The following SLC35F3 variants were observed in gnomAD, a reference collection of about 807,000 sequenced individuals.
The protein encoded by SLC35F3 is putative thiamine transporter SLC35F3.
SLC35F3 carries 25 observed loss-of-function variants against 49.9 expected under a neutral mutation model. The ratio of observed to expected loss-of-function variants is 0.50; its 90% CI spans 0.37 to 0.70. SLC35F3 has a LOEUF of 0.70. Among genes scored for constraint, SLC35F3 ranks in the 30% least tolerant of loss-of-function variants. SLC35F3 has a pLI of 0.00. For missense variants in SLC35F3, 525 were observed against 639.8 expected (o/e 0.82, Z 1.94); for synonymous variants, 275 against 265.4 (o/e 1.04, Z -0.35).
At chr1:234,171,366 C>T (rs1394715706) in intron 2 of SLC35F3, among the ~76,000 whole-genome samples, 1 of 152,168 alleles carries the variant, frequency 6.6e-6, no homozygotes, top group Non-Finnish European at 1.5e-5. Flanking sequence ...TAACGTGTAG[C>T]TGGGGTGACA....
chr1:233,990,268 T>C (rs887386632), intron 2 of SLC35F3, among the ~76,000 whole-genome samples: 4 of 152,180 alleles, frequency 2.6e-5, no homozygotes, highest in Non-Finnish European at 5.9e-5. Context: ...AAGTGCATGC[T>C]CAAGTTTTAT....
At chr1:234,278,358 C>T (rs1398352398) in intron 3 of SLC35F3, among the ~76,000 whole-genome samples, 1 of 152,076 alleles carries the variant, frequency 6.6e-6, no homozygotes, top group Non-Finnish European at 1.5e-5. Flanking sequence ...GGTGCAATGG[C>T]ACGGGCCTGT....
intron 2 of SLC35F3, among the ~76,000 whole-genome samples, chr1:234,168,933 T>A (rs1364468446): frequency 6.6e-6 from 1 of 152,064 alleles, no homozygotes; most frequent in East Asian, 1.9e-4. Context: ...TTGGCTTACA[T>A]GGTTATGGAG....
At chr1:234,205,721 T>C (rs1383525419) in intron 2 of SLC35F3, among the ~76,000 whole-genome samples, 1 of 152,056 alleles carries the variant, frequency 6.6e-6, no homozygotes, top group African/African-American at 2.4e-5. Flanking sequence ...TGCACCAATA[T>C]CCAGAAGAAA....
intron 2 of SLC35F3, among the ~76,000 whole-genome samples, chr1:234,023,536 T>C (rs1245891344): frequency 1.3e-5 from 2 of 152,130 alleles, no homozygotes; most frequent in African/African-American, 4.8e-5. Context: ...CAAATCTCCT[T>C]TGCAGTACAA....
intron 2 of SLC35F3, among the ~76,000 whole-genome samples, chr1:233,955,941 G>A (rs1014557324): frequency 4.4e-5 from 6 of 136,204 alleles, no homozygotes; most frequent in African/African-American, 1.7e-4. Context: ...AGGCTGGAGT[G>A]CAGTGGCGTG....
rs140407454 is a variant in SLC35F3 at position 233,978,625 on chromosome 1, T to C, written c.283+72867T>C. Among the ~76,000 whole-genome samples, 1,392 of 152,342 alleles carry C rather than the reference T, an allele frequency of 9.1e-3. 15 individuals carry two copies. The highest frequency in any genetic ancestry group is 0.031 in the African/African-American group (1,304 of 41,572). On this transcript the variant is annotated intron_variant, in intron 2 of 7. Coordinates refer to ENST00000366618, the MANE Select transcript of SLC35F3 (RefSeq NM_173508.4). The stretch of plus-strand genomic sequence containing the variant: ...GTGTACCCTTGTGTGGGTTTATGAA[T>C]AATTTTCTACCAGAGAGCTCTGCTC...
rs563320034 is a variant in SLC35F3 at position 234,141,250 on chromosome 1, G to T, written c.284-90167G>T. Among the ~76,000 whole-genome samples, 3 of 152,220 alleles carry T rather than the reference G, an allele frequency of 2.0e-5. No individual in the cohort carries two copies. In the East Asian group the frequency reaches 5.8e-4, roughly 29 times the overall value. ...TAATTAGGGAGTTTTATAAGCTAAT[G>T]AGTCATGTCCTTTCAATAGCTTCTT... On this transcript the variant is annotated intron_variant, in intron 2 of 7. Coordinates refer to ENST00000366618, the MANE Select transcript of SLC35F3 (RefSeq NM_173508.4).
At chr1:234,273,970 G>A (rs1469341577) in intron 3 of SLC35F3, among the ~76,000 whole-genome samples, 1 of 150,954 alleles carries the variant, frequency 6.6e-6, no homozygotes. Context: ...TAGGCCACAT[G>A]CTGGATAGTG....
chr1:234,268,165 A>C (rs1032634132), intron 3 of SLC35F3, among the ~76,000 whole-genome samples: 1 of 152,118 alleles, frequency 6.6e-6, no homozygotes, highest in Non-Finnish European at 1.5e-5. Flanking sequence ...CCTGGGCAAC[A>C]TTGAGCACTG....
intron 2 of SLC35F3, among the ~76,000 whole-genome samples, chr1:234,168,274 G>A (rs1666347798): frequency 6.6e-6 from 1 of 152,196 alleles, no homozygotes; most frequent in Non-Finnish European, 1.5e-5. Context: ...GTGGCACTGA[G>A]CTTCTCAGAG....
At chr1:233,905,886 C>G in intron 2 of SLC35F3, 128 bp downstream of exon 2, 1 of 873,446 alleles carries the variant, frequency 1.1e-6, no homozygotes, top group Non-Finnish European at 1.7e-6. Flanking sequence ...TGATACAGAC[C>G]CAGGTTTGCA....
intron 2 of SLC35F3, among the ~76,000 whole-genome samples, chr1:233,908,017 C>T (rs898922222): frequency 7.2e-5 from 11 of 152,198 alleles, no homozygotes; most frequent in Non-Finnish European, 1.3e-4. Flanking sequence ...TGAGCCACCA[C>T]GCCCGGCCCA....
At chr1:233,974,261 T>G (rs1663042360) in intron 2 of SLC35F3, among the ~76,000 whole-genome samples, 1 of 140,906 alleles carries the variant, frequency 7.1e-6, no homozygotes, top group South Asian at 2.4e-4. Context: ...CTCGGCTCAC[T>G]GCAACCTCCG....
intron 2 of SLC35F3, among the ~76,000 whole-genome samples, chr1:234,139,678 G>A (rs1035059879): frequency 9.9e-5 from 15 of 152,008 alleles, no homozygotes; most frequent in Admixed American, 5.2e-4. Context: ...GGCCCGGTGC[G>A]GTGTCTCACA....
intron 2 of SLC35F3, among the ~76,000 whole-genome samples, chr1:234,005,584 G>A (rs1663616931): frequency 6.6e-6 from 1 of 152,198 alleles, no homozygotes; most frequent in Non-Finnish European, 1.5e-5. Flanking sequence ...GTGATGTGTG[G>A]AGCCAATGGG....
chr1:233,941,230 A>G (rs12122072), intron 2 of SLC35F3, among the ~76,000 whole-genome samples: 16,880 of 152,190 alleles, frequency 0.11, 1,147 homozygotes, highest in Non-Finnish European at 0.16. Flanking sequence ...CTGGTATTTC[A>G]GTTACTTTTC....
intron 2 of SLC35F3, among the ~76,000 whole-genome samples, chr1:233,969,337 G>C (rs1662955076): frequency 1.3e-5 from 2 of 152,258 alleles, no homozygotes; most frequent in African/African-American, 4.8e-5. Context: ...GATGGGCACT[G>C]TCGGTGGAGA....
At chr1:233,986,926 C>G (rs910872752) in intron 2 of SLC35F3, among the ~76,000 whole-genome samples, 6 of 152,146 alleles carry the variant, frequency 3.9e-5, no homozygotes, top group African/African-American at 1.4e-4. Context: ...GTTTCCTCAC[C>G]TCATTTTTTC....
Sources: allele counts gnomAD v4.1 joint callset (sites outside exome capture counted in the v4.1 genomes callset), GRCh38; gene constraint gnomAD v4.1.1; transcripts MANE v1.5; gene names NCBI Gene and HGNC (gene_info 2026-07-23, HGNC 2026-07-21).